Variants in MRE11 observed in about 807,000 individuals in gnomAD.
The protein encoded by MRE11 is double-strand break repair protein MRE11.
A neutral mutation model predicts 91.7 loss-of-function variants in MRE11; 62 were observed. That is an observed-to-expected ratio of 0.68 (90% CI 0.55 to 0.84). MRE11 has a LOEUF of 0.84. Among genes scored for constraint, MRE11 ranks in the 40% least tolerant of loss-of-function variants. The probability of loss-of-function intolerance (pLI) is 0.00; values close to 1 mark genes in which losing one functional copy is unlikely to be tolerated. For synonymous variants in MRE11, 273 were observed against 271.4 expected, an observed-to-expected ratio of 1.01 and a Z score of -0.06; for missense variants, 796 against 852.9, an observed-to-expected ratio of 0.93 and a Z score of 0.83.
Position 94,479,665 on chromosome 11 carries a change from A to G in MRE11, c.402+9T>C. On this transcript the variant is annotated intron_variant, in intron 5 of 19. Coordinates refer to ENST00000323929, the MANE Select transcript of MRE11 (RefSeq NM_005591.4). ...AAATTCCAACAAACTCTAAGAAAAC[A>G]ATAATTACCCCTGTGGGATCGTCAT... The G allele has an allele frequency of 6.2e-7, 1 of 1,608,720 alleles. No individual in the cohort carries two copies. The highest frequency in any genetic ancestry group is 1.1e-5 in the South Asian group (1 of 90,986).
At chr11:94,427,782 T>A (rs1565200853) in intron 19 of MRE11, among the ~76,000 whole-genome samples, 1 of 151,598 alleles carries the variant, frequency 6.6e-6, no homozygotes, top group Non-Finnish European at 1.5e-5. Context: ...AACAACACAA[T>A]CCCATTTACA....
At position 94,487,210 on chromosome 11, in the gene MRE11, CTACTG is replaced by C. The variant is rs143200408; in HGVS notation, c.154-1131_154-1127del. 8.7e-3 allele frequency among the ~76,000 whole-genome samples: 1,323 copies of C among 152,244 alleles called. 19 individuals carry two copies. The highest frequency in any genetic ancestry group is 0.031 in the African/African-American group (1,268 of 41,528). On this transcript the variant is annotated intron_variant, in intron 3 of 19. Transcript: ENST00000323929. The stretch of plus-strand genomic sequence containing the variant: ...CACAGCAATATGAACATATTTAACA[CTACTG>C]TACTATACACTTAAAAATGGTTAAC...
chr11:94,463,657 C>T (rs1946479911), intron 11 of MRE11, among the ~76,000 whole-genome samples: 1 of 152,082 alleles, frequency 6.6e-6, no homozygotes. Context: ...TGGAAACCAT[C>T]ATTCTGAGCA....
In MRE11 at chr11:94,437,234, G is replaced by A. The variant is rs1591642675; in HGVS notation, c.1869C>T (p.Ala623=). 2 of 1,612,238 alleles carry A rather than the reference G, an allele frequency of 1.2e-6. No homozygotes were observed. Among genetic ancestry groups the A allele is most frequent in the South Asian group, 2.2e-5 (2 of 90,736 alleles). The change falls in exon 17 of 20, where the codon GCC becomes GCT. Residue 623 remains alanine, a splice_region_variant and synonymous_variant. Transcript: ENST00000323929. ...AAGGCTGCTGTCTTGTAGATTTAAA[G>A]GCTAGAATGAAAAAGATGAAATGTG... ...SASRNMSIID[A]FKSTRQQPSR...
chr11:94,454,192 G>A (rs1353394383), intron 14 of MRE11, among the ~76,000 whole-genome samples: 1 of 151,202 alleles, frequency 6.6e-6, no homozygotes, highest in Non-Finnish European at 1.5e-5. Flanking sequence ...TCCCAGTTAA[G>A]TCTCCTGAGT....
intron 19 of MRE11, among the ~76,000 whole-genome samples, chr11:94,423,538 C>T (rs1210619805): frequency 6.6e-6 from 1 of 152,248 alleles, no homozygotes; most frequent in Non-Finnish European, 1.5e-5. Flanking sequence ...CTGGGGCAGG[C>T]CAGCCTGGGG....
intron 14 of MRE11, among the ~76,000 whole-genome samples, chr11:94,451,759 T>G (rs1014113077): frequency 6.6e-6 from 1 of 152,122 alleles, no homozygotes; most frequent in Non-Finnish European, 1.5e-5. Context: ...CATTCCTGAT[T>G]TAAACAAATA....
chr11:94,454,748 G>A (rs1267087293), intron 14 of MRE11, among the ~76,000 whole-genome samples: 1 of 152,000 alleles, frequency 6.6e-6, no homozygotes, highest in African/African-American at 2.4e-5. Context: ...TCTTTTAAAA[G>A]CTTAATGAAA....
chr11:94,478,603 C>T lies in MRE11; in HGVS notation c.544+132G>A, dbSNP rs193132306. The T allele has an allele frequency of 2.8e-6, 3 of 1,057,972 alleles. No individual in the cohort carries two copies. In the African/African-American group the frequency reaches 4.8e-5, roughly 17 times the overall value. 65.5% of individuals were successfully genotyped at this position (1,057,972 alleles called of 1,614,324 possible). The stretch of plus-strand genomic sequence containing the variant: ...AAAAATTTTTACCAAAACCATCCAT[C>T]ATTTTTTATAGTCACCAATAAAGAA... On this transcript the variant is annotated intron_variant, in intron 6 of 19. Coordinates refer to ENST00000323929, the MANE Select transcript of MRE11 (RefSeq NM_005591.4).
intron 4 of MRE11, among the ~76,000 whole-genome samples, chr11:94,483,602 G>A (rs1389309082): frequency 3.3e-5 from 5 of 152,120 alleles, no homozygotes; most frequent in Non-Finnish European, 5.9e-5. Context: ...TTGTGAAGCC[G>A]CCCCAGCCAG....
At position 94,441,211 on chromosome 11, in the gene MRE11, G is replaced by A. The variant is rs147804501; in HGVS notation, c.1868-3976C>T. Among the ~76,000 whole-genome samples the A allele has an allele frequency of 3.0e-3, 450 of 152,214 alleles. 1 individual carries two copies. The highest frequency in any genetic ancestry group is 4.3e-3 in the Non-Finnish European group (290 of 67,998). On this transcript the variant is annotated intron_variant, in intron 16 of 19. Transcript: ENST00000323929. ...AGCCTGTATTTCTTCCCCTAAGTTC[G>A]CTTTGGAATAAAAAGTCACTTTCTT...
In MRE11 at chr11:94,474,386, A is replaced by G. The variant is rs537063070; in HGVS notation, c.659+1903T>C. ...TGCAATGGTCAAAGCTGCAACAATCAGAGGAACAGTAGCAACCAAAAAACT... is the reference window on the plus strand; with the variant it reads ...TGCAATGGTCAAAGCTGCAACAATCGGAGGAACAGTAGCAACCAAAAAACT... On this transcript the variant is annotated intron_variant, in intron 7 of 19. Transcript: ENST00000323929. Among the ~76,000 whole-genome samples the G allele has an allele frequency of 2.0e-5, 3 of 152,302 alleles. No individual in the cohort carries two copies. The East Asian group carries it at 5.8e-4, about 29-fold the overall frequency.
At chr11:94,455,652 A>G (rs1591666744) in intron 14 of MRE11, among the ~76,000 whole-genome samples, 2 of 152,300 alleles carry the variant, frequency 1.3e-5, no homozygotes, top group Admixed American at 1.3e-4. Flanking sequence ...GATGGTGCTT[A>G]AGCTAATTTT....
chr11:94,495,086 T>G (rs1017169403), upstream of MRE11, among the ~76,000 whole-genome samples: 1 of 152,178 alleles, frequency 6.6e-6, no homozygotes, highest in Non-Finnish European at 1.5e-5. Flanking sequence ...TCTTACATTT[T>G]ACAATAAAGT....
At chr11:94,479,537 G>C (rs1946960646) in intron 5 of MRE11, 137 bp downstream of exon 5, 2 of 721,644 alleles carry the variant, frequency 2.8e-6, no homozygotes, top group Non-Finnish European at 4.8e-6. Flanking sequence ...ATAAAAGCTT[G>C]TATGAATGTG....
intron 5 of MRE11, among the ~76,000 whole-genome samples, chr11:94,479,119 T>A (rs1946950834): frequency 6.6e-6 from 1 of 152,224 alleles, no homozygotes; most frequent in Admixed American, 6.5e-5. Context: ...AAACTTATGA[T>A]GTCTTGGCCA....
chr11:94,498,201 A>C (rs751170806), upstream of MRE11: 6 of 1,614,074 alleles, frequency 3.7e-6, no homozygotes, highest in Non-Finnish European at 5.1e-6. Flanking sequence ...CTCATTGCAC[A>C]GGGGGCCGAT....
intron 12 of MRE11, 49 bp downstream of exon 12, chr11:94,460,887 T>C: frequency 7.0e-7 from 1 of 1,423,170 alleles, no homozygotes; most frequent in Non-Finnish European, 9.9e-7. Flanking sequence ...AATTAAAATC[T>C]GTTACTATAA....
chr11:94,497,571 T>G (rs1213994360), upstream of MRE11: 1 of 156,312 alleles, frequency 6.4e-6, no homozygotes, highest in Non-Finnish European at 1.4e-5. Flanking sequence ...AAAAGGTTGT[T>G]TCTAAGGTTG....
Sources: gnomAD v4.1 joint callset for allele counts (sites outside exome capture counted in the v4.1 genomes callset) on GRCh38, gnomAD v4.1.1 for gene constraint, MANE v1.5 for transcripts, NCBI Gene and HGNC (gene_info 2026-07-23, HGNC 2026-07-21) for gene names.